The following B4GALT6 variants were observed in gnomAD, a reference collection of about 807,000 sequenced individuals.
B4GALT6 encodes UDP-Gal:beta-GlcNAc beta-1,4-galactosyltransferase 6.
In B4GALT6, 14 loss-of-function variants were observed where a neutral mutation model predicts 46.3. The ratio of observed to expected loss-of-function variants is 0.30; its 90% CI spans 0.20 to 0.47. The LOEUF (loss-of-function observed/expected upper bound fraction) is 0.47. Ranked by LOEUF, B4GALT6 falls within the 20% of genes least tolerant of loss-of-function variation. B4GALT6 has a pLI of 0.99. For missense variants in B4GALT6, 386 were observed against 480.1 expected, an observed-to-expected ratio of 0.80 and a Z score of 1.83; for synonymous variants, 168 against 162.0, an observed-to-expected ratio of 1.04 and a Z score of -0.28.
chr18:31,714,632 T>A, the B4GALT6 span, among the ~76,000 whole-genome samples: 2 of 152,196 alleles, frequency 1.3e-5, no homozygotes, highest in Non-Finnish European at 2.9e-5. Context: ...TATGTCTAGG[T>A]CATTCAACTA....
intron 3 of B4GALT6, among the ~76,000 whole-genome samples, chr18:31,653,951 A>T (rs1023232139): frequency 2.0e-5 from 3 of 152,020 alleles, no homozygotes; most frequent in African/African-American, 7.2e-5. Flanking sequence ...CATATGCATG[A>T]CAGTTTGTTA....
intron 1 of B4GALT6, among the ~76,000 whole-genome samples, chr18:31,680,897 G>C (rs1204469394): frequency 3.3e-5 from 5 of 152,150 alleles, no homozygotes; most frequent in Admixed American, 2.0e-4. Context: ...CCATTTTCTA[G>C]AAGCTTTGCT....
chr18:31,691,967 A>G, the B4GALT6 span, among the ~76,000 whole-genome samples: 1 of 152,214 alleles, frequency 6.6e-6, no homozygotes, highest in Admixed American at 6.5e-5. Flanking sequence ...AATAATACCA[A>G]TTTGCCATGA....
At chr18:31,721,584 G>A in the B4GALT6 span, among the ~76,000 whole-genome samples, 2 of 152,164 alleles carry the variant, frequency 1.3e-5, no homozygotes, top group South Asian at 2.1e-4. Context: ...AGCAGTTGAC[G>A]CTAAGTAAAG....
chr18:31,722,941 C>A, the B4GALT6 span, among the ~76,000 whole-genome samples: 1 of 152,080 alleles, frequency 6.6e-6, no homozygotes, highest in African/African-American at 2.4e-5. Context: ...ATGAGTGTAG[C>A]CTCTGACATA....
chr18:31,682,610 T>TA (rs374884230), intron 1 of B4GALT6, among the ~76,000 whole-genome samples: 50 of 150,764 alleles, frequency 3.3e-4, no homozygotes, highest in Middle Eastern at 3.5e-3. Flanking sequence ...GCACTAACTT[T>TA]AAAAAAAAAG....
intron 5 of B4GALT6, among the ~76,000 whole-genome samples, chr18:31,637,022 T>C (rs2073867945): frequency 6.6e-6 from 1 of 152,100 alleles, no homozygotes; most frequent in African/African-American, 2.4e-5. Context: ...GGTTTCACCA[T>C]CTTGGCCAGG....
intron 2 of B4GALT6, among the ~76,000 whole-genome samples, chr18:31,660,464 T>C (rs2144659318): frequency 6.6e-6 from 1 of 152,224 alleles, no homozygotes; most frequent in Non-Finnish European, 1.5e-5. Flanking sequence ...TCTAGTCAAG[T>C]TCATTGATTT....
intron 3 of B4GALT6, among the ~76,000 whole-genome samples, chr18:31,653,249 C>T (rs1005297726): frequency 2.2e-4 from 34 of 151,828 alleles, no homozygotes; most frequent in Non-Finnish European, 5.9e-5. Context: ...CGCCACTTAA[C>T]ACACCCTCTC....
chr18:31,637,821 G>A lies in B4GALT6; in HGVS notation c.588+823C>T, dbSNP rs578176788. 2.9e-4 allele frequency among the ~76,000 whole-genome samples: 44 copies of A among 152,222 alleles called. 1 individual carries two copies. Among genetic ancestry groups the A allele is most frequent in the Middle Eastern group, 3.4e-3 (1 of 294 alleles). ...GCGAATATAACCAAGGTAACTGTAC[G>A]GTGCTTTGGTATAATTTAGAAAAGA... On this transcript the variant is annotated intron_variant, in intron 5 of 8. Transcript: ENST00000306851.
intron 4 of B4GALT6, among the ~76,000 whole-genome samples, chr18:31,641,061 C>T (rs1297014309): frequency 1.3e-5 from 2 of 152,096 alleles, no homozygotes; most frequent in African/African-American, 2.4e-5. Context: ...GACATAATGT[C>T]AATGAGCTGT....
At chr18:31,689,970 A>G (rs1378884505), upstream of B4GALT6, among the ~76,000 whole-genome samples, 2 of 152,216 alleles carry the variant, frequency 1.3e-5, no homozygotes, top group Non-Finnish European at 2.9e-5. Flanking sequence ...CTTGAATTCT[A>G]CGCAGTGTTA....
chr18:31,661,379 G>C (rs2074214157), intron 2 of B4GALT6, among the ~76,000 whole-genome samples: 1 of 152,292 alleles, frequency 6.6e-6, no homozygotes, highest in East Asian at 1.9e-4. Context: ...TTGGGACTCA[G>C]GGAGGAGTGA....
At chr18:31,645,722 G>GT (rs1198543058) in intron 3 of B4GALT6, among the ~76,000 whole-genome samples, 1 of 152,002 alleles carries the variant, frequency 6.6e-6, no homozygotes, top group Non-Finnish European at 1.5e-5. Context: ...TTTAAAAACC[G>GT]TTTTGCTTTT....
At chr18:31,655,059 G>A (rs1273635495) in intron 3 of B4GALT6, among the ~76,000 whole-genome samples, 2 of 152,206 alleles carry the variant, frequency 1.3e-5, no homozygotes, top group Non-Finnish European at 2.9e-5. Context: ...AGCACTGTGT[G>A]CTTCATTCTA....
rs1029983141 is a variant in B4GALT6 at position 31,684,213 on chromosome 18, C to T, written c.115+99G>A. 3.2e-6 allele frequency: 5 copies of T among 1,560,588 alleles called. No homozygotes were observed. In the African/African-American group the frequency reaches 6.9e-5, roughly 21 times the overall value. ...AAACAAAACGCTTTTCTGCGGGCCC[C>T]TGTTTGAACAGCTTCCAAATCCCAG... On this transcript the variant is annotated intron_variant, in intron 1 of 8. Transcript: ENST00000306851.
chr18:31,718,632 C>T, the B4GALT6 span, among the ~76,000 whole-genome samples: 16 of 152,112 alleles, frequency 1.1e-4, no homozygotes, highest in African/African-American at 3.4e-4. Context: ...AGGCAGAAAC[C>T]TCTGAACTGG....
chr18:31,624,009 A>G lies in B4GALT6; in HGVS notation c.*1605T>C, dbSNP rs1598856233. The G allele has an allele frequency of 6.6e-6, 1 of 152,174 alleles. No homozygotes were observed. The highest frequency in any genetic ancestry group is 2.4e-5 in the African/African-American group (1 of 41,580). 9.4% of individuals were successfully genotyped at this position (152,174 alleles called of 1,614,324 possible). On this transcript the variant is annotated 3_prime_UTR_variant, in exon 9 of 9. Transcript: ENST00000306851. Reference sequence around the variant, plus strand: ...AATTTTTTGTTTAAAATTTGTGAAAATATCAAGATATTTTAAACAATCTTT... The same window carrying G: ...AATTTTTTGTTTAAAATTTGTGAAAGTATCAAGATATTTTAAACAATCTTT...
the B4GALT6 span, among the ~76,000 whole-genome samples, chr18:31,701,978 G>T: frequency 6.6e-6 from 1 of 151,854 alleles, no homozygotes; most frequent in South Asian, 2.1e-4. Flanking sequence ...TACATAAGAA[G>T]AATATATTAC....
Sources: allele counts gnomAD v4.1 joint callset (sites outside exome capture counted in the v4.1 genomes callset), GRCh38; gene constraint gnomAD v4.1.1; transcripts MANE v1.5; gene names NCBI Gene and HGNC (gene_info 2026-07-23, HGNC 2026-07-21).